The following RDH11 variants were observed in gnomAD, a reference collection of about 807,000 sequenced individuals.
RDH11 encodes HCV core-binding protein HCBP12.
Under a neutral mutation model 33.4 loss-of-function variants are expected in RDH11, and 19 were observed. The observed-to-expected ratio is 0.57, with a 90% CI of 0.40 to 0.83. The LOEUF (loss-of-function observed/expected upper bound fraction) is 0.83. Ranked by LOEUF, RDH11 falls within the 40% of genes least tolerant of loss-of-function variation. The probability of loss-of-function intolerance (pLI) is 0.00; values close to 1 mark genes in which losing one functional copy is unlikely to be tolerated. For synonymous variants in RDH11, 154 were observed against 155.3 expected, an observed-to-expected ratio of 0.99 and a Z score of 0.06; for missense variants, 353 against 389.0, an observed-to-expected ratio of 0.91 and a Z score of 0.78.
Position 67,677,339 on chromosome 14 carries a change from T to G in RDH11, c.*982A>C, listed in dbSNP as rs370783174. ...ATAATTTTTCTGAATGAAGAATTGT[T>G]TTTTTTGTTTGTTTGTTTTTAGGAT... On this transcript the variant is annotated 3_prime_UTR_variant, in exon 7 of 7. Coordinates refer to ENST00000381346, the MANE Select transcript of RDH11 (RefSeq NM_016026.4). The G allele has an allele frequency of 2.8e-4, 41 of 148,608 alleles. 1 individual carries two copies. The highest frequency in any genetic ancestry group is 9.9e-4 in the African/African-American group (40 of 40,256). The allele number at this position is 148,608 out of a possible 1,614,324, so 9.2% of individuals were successfully genotyped here.
chr14:67,690,317 A>G lies in RDH11; in HGVS notation c.559T>C (p.Phe187Leu). 2 of 1,614,170 alleles carry G rather than the reference A, an allele frequency of 1.2e-6. No individual in the cohort carries two copies. The highest frequency in any genetic ancestry group is 1.7e-6 in the Non-Finnish European group (2 of 1,180,010). The change falls in exon 5 of 7, where the codon TTC (phenylalanine) becomes CTC (leucine). Residue 187 changes from phenylalanine (F) to leucine (L), a missense_variant. Physicochemically the swap from Phe to Leu is conservative, Grantham distance 22. Transcript: ENST00000381346. ...SLAHHLGRIHFHNLQGEKFYN... is the reference protein window; with the variant it reads ...SLAHHLGRIHLHNLQGEKFYN... ...AATTTCTCGCCCTGCAGGTTATGGAAGTGGATCCTTCCCAGGTGATGTGCG... is the reference window on the plus strand; with the variant it reads ...AATTTCTCGCCCTGCAGGTTATGGAGGTGGATCCTTCCCAGGTGATGTGCG...
chr14:67,687,027 C>T (rs986956776), intron 5 of RDH11, among the ~76,000 whole-genome samples: 1 of 152,168 alleles, frequency 6.6e-6, no homozygotes, highest in Non-Finnish European at 1.5e-5. Context: ...AAACCTGGTT[C>T]TTGCAGTGTT....
At chr14:67,687,529 T>C (rs921582405) in intron 5 of RDH11, among the ~76,000 whole-genome samples, 8 of 145,934 alleles carry the variant, frequency 5.5e-5, no homozygotes, top group Non-Finnish European at 1.0e-4. Context: ...TGGGGTGCAA[T>C]GGTATGATCT....
chr14:67,678,682 T>G (rs374928635), intron 6 of RDH11, among the ~76,000 whole-genome samples: 11 of 152,304 alleles, frequency 7.2e-5, no homozygotes, highest in Middle Eastern at 3.4e-3. Flanking sequence ...GGTCTTTATA[T>G]TCCCCTATTT....
chr14:67,686,638 CAAA>C lies in RDH11; in HGVS notation c.665-1437_665-1435del, dbSNP rs34363764. 5.0e-3 allele frequency among the ~76,000 whole-genome samples: 403 copies of C among 80,164 alleles called. 2 individuals carry two copies. The highest frequency in any genetic ancestry group is 5.8e-3 in the Non-Finnish European group (240 of 41,196). The allele number at this position is 80,164 out of a possible 152,430, so 52.6% of individuals were successfully genotyped here. ...TGGGCGACAGAGTGAGACACCGGTG[CAAA>C]AAAAAAAAAAAAAAAAAAGTGCCTG... is the stretch of plus-strand genomic sequence containing the variant. On this transcript the variant is annotated intron_variant, in intron 5 of 6. Coordinates refer to ENST00000381346, the MANE Select transcript of RDH11 (RefSeq NM_016026.4).
At chr14:67,682,075 A>G (rs1425907557) in intron 6 of RDH11, among the ~76,000 whole-genome samples, 2 of 152,152 alleles carry the variant, frequency 1.3e-5, no homozygotes, top group Non-Finnish European at 2.9e-5. Flanking sequence ...GCCAGGCACC[A>G]TGTTCTTAGA....
At chr14:67,695,527 C>T (rs1230847576) in intron 1 of RDH11, 103 bp downstream of exon 1, 8 of 1,144,328 alleles carry the variant, frequency 7.0e-6, no homozygotes, top group Non-Finnish European at 9.8e-6. Context: ...CATCTTGGAG[C>T]CCCCCCAGGG....
Position 67,680,751 on chromosome 14 carries a change from G to A in RDH11, c.855-2328C>T, listed in dbSNP as rs141927164. 4.4e-3 allele frequency among the ~76,000 whole-genome samples: 664 copies of A among 152,314 alleles called. 5 individuals carry two copies. Among genetic ancestry groups the A allele is most frequent in the African/African-American group, 0.015 (634 of 41,558 alleles). On this transcript the variant is annotated intron_variant, in intron 6 of 6. Transcript: ENST00000381346. ...AGGGATTACAGGCGTGAGCCGCCGC[G>A]CCCAGCCAAGTAAGAGCTAGTTAAG...
At position 67,691,323 on chromosome 14, in the gene RDH11, T is replaced by C. The variant is rs2037748264; in HGVS notation, c.350-79A>G. The C allele has an allele frequency of 1.2e-5, 11 of 905,004 alleles. No homozygotes were observed. The Admixed American group carries it at 2.1e-4, about 17-fold the overall frequency. The allele number at this position is 905,004 out of a possible 1,614,324, so 56.1% of individuals were successfully genotyped here. On this transcript the variant is annotated intron_variant, in intron 3 of 6. Coordinates refer to ENST00000381346, the MANE Select transcript of RDH11 (RefSeq NM_016026.4). ...TTAGAAAGCTGCCTCACGCTCAGGC[T>C]TTGAAAATGAGGATGCAGGACTTCA...
intron 4 of RDH11, 59 bp downstream of exon 4, chr14:67,691,081 A>C: frequency 8.9e-7 from 1 of 1,121,832 alleles, no homozygotes. Context: ...TCTGACCCCT[A>C]AGTTTCCCAA....
Position 67,692,569 on chromosome 14 carries a change from C to CG in RDH11, c.217dup (p.Arg73ProfsTer31). 3 of 1,601,192 alleles carry CG rather than the reference C, an allele frequency of 1.9e-6. No individual in the cohort carries two copies. The highest frequency in any genetic ancestry group is 2.6e-6 in the Non-Finnish European group (3 of 1,174,562). On this transcript the variant is annotated frameshift_variant, in exon 3 of 7. Transcript: ENST00000381346. LOFTEE classifies it high-confidence loss of function. Reference sequence around the variant, plus strand: ...CACCAATTCCCCCTTTTCCACATCCCGGCAAGCTAAATATACTCGAGCTCC... The same window carrying CG: ...CACCAATTCCCCCTTTTCCACATCCCGGGCAAGCTAAATATACTCGAGCTCC...
At chr14:67,694,465 CATATATATATATACACACACACACAT>C (rs2037800044) in intron 1 of RDH11, among the ~76,000 whole-genome samples, 2 of 103,096 alleles carry the variant, frequency 1.9e-5, no homozygotes, top group South Asian at 2.8e-4. Flanking sequence ...CACACACACA[CATATATATATATACACACACACACAT>C]ATATATATAT....
Position 67,692,520 on chromosome 14 carries a change from TGTCGTG to T in RDH11, c.261_266del (p.Thr88_Thr89del). On this transcript the variant is annotated inframe_deletion, in exon 3 of 7. Transcript: ENST00000381346. ...TCCGCACCAACACCTGCTGGTTCCCTGTCGTGGTCTGGATCTCTTTGGCCACCAATT... is the reference window on the plus strand; with the variant it reads ...TCCGCACCAACACCTGCTGGTTCCCTGTCTGGATCTCTTTGGCCACCAATT... The T allele has an allele frequency of 6.2e-7, 1 of 1,613,544 alleles. No individual in the cohort carries two copies. Among genetic ancestry groups the T allele is most frequent in the East Asian group, 2.2e-5 (1 of 44,872 alleles).
intron 5 of RDH11, among the ~76,000 whole-genome samples, chr14:67,687,380 T>C (rs528249213): frequency 1.3e-5 from 2 of 151,556 alleles, no homozygotes; most frequent in African/African-American, 2.4e-5. Context: ...AACCTACCAA[T>C]GGTAACCTTC....
At chr14:67,692,633 T>C (rs1291673901) in intron 2 of RDH11, 40 bp from the exon 3 acceptor site, 6 of 1,513,812 alleles carry the variant, frequency 4.0e-6, no homozygotes, top group Non-Finnish European at 4.4e-6. Context: ...TCAGCTCTGT[T>C]TTTGAGCTGG....
At chr14:67,690,102 C>T (rs756668657) in intron 5 of RDH11, 110 bp downstream of exon 5, 70 of 877,998 alleles carry the variant, frequency 8.0e-5, no homozygotes, top group Non-Finnish European at 1.1e-4. Context: ...ATTATAGCCA[C>T]GGAAGCAGGT....
chr14:67,691,518 T>C (rs545847227), intron 3 of RDH11: 9 of 316,430 alleles, frequency 2.8e-5, no homozygotes, highest in East Asian at 6.0e-5. Context: ...TTGGGAATTG[T>C]TGCATCCACC....
At chr14:67,693,997 G>A (rs1005137846) in intron 1 of RDH11, among the ~76,000 whole-genome samples, 2 of 152,084 alleles carry the variant, frequency 1.3e-5, no homozygotes, top group African/African-American at 4.8e-5. Context: ...TTTTCCAAAT[G>A]AATGAATGCA....
Position 67,695,675 on chromosome 14 carries a change from A to G in RDH11, c.29T>C (p.Leu10Pro). 2 of 1,614,204 alleles carry G rather than the reference A, an allele frequency of 1.2e-6. No individual in the cohort carries two copies. The highest frequency in any genetic ancestry group is 1.7e-6 in the Non-Finnish European group (2 of 1,180,034). Residue 10 changes from leucine (L) to proline (P), a missense_variant, in exon 1 of 7, where the codon CTC (leucine) becomes CCC (proline). By Grantham distance (98) the Leu-to-Pro change is moderately conservative (BLOSUM62 -3). Coordinates refer to ENST00000381346, the MANE Select transcript of RDH11 (RefSeq NM_016026.4). ...ATACAGAAGGAAGGGCAGAAGGAGGAGCAACAGCGGGAACATGAGCTCAAC... is the reference window on the plus strand; with the variant it reads ...ATACAGAAGGAAGGGCAGAAGGAGGGGCAACAGCGGGAACATGAGCTCAAC... MVELMFPLL[L>P]LLLPFLLYMA...
Sources: allele counts gnomAD v4.1 joint callset (sites outside exome capture counted in the v4.1 genomes callset), GRCh38; gene constraint gnomAD v4.1.1; transcripts MANE v1.5; gene names NCBI Gene and HGNC (gene_info 2026-07-23, HGNC 2026-07-21).